The following CNTNAP5 variants were observed in gnomAD, a reference collection of about 807,000 sequenced individuals.
The protein encoded by CNTNAP5 is contactin-associated protein-like 5.
Under a neutral mutation model 150.2 loss-of-function variants are expected in CNTNAP5, and 72 were observed. The observed-to-expected ratio is 0.48, with a 90% CI of 0.40 to 0.58. The LOEUF (loss-of-function observed/expected upper bound fraction) is 0.58. CNTNAP5 is among the 20% of genes least tolerant of loss of function. CNTNAP5 has a pLI of 0.00. For synonymous variants in CNTNAP5, 672 were observed against 619.8 expected (o/e 1.08, Z -1.25); for missense variants, 1,636 against 1,626.2 (o/e 1.01, Z -0.10).
chr2:124,773,083 GAA>G (rs1409792103), intron 17 of CNTNAP5, 66 bp downstream of exon 17: 1 of 1,264,368 alleles, frequency 7.9e-7, no homozygotes, highest in African/African-American at 1.5e-5. Flanking sequence ...CCATGCCCAA[GAA>G]AAAATTCTCT....
intron 3 of CNTNAP5, among the ~76,000 whole-genome samples, chr2:124,370,840 C>T (rs1242695511): frequency 6.6e-6 from 1 of 152,074 alleles, no homozygotes; most frequent in Admixed American, 6.6e-5. Flanking sequence ...GAAAAACATG[C>T]ACATTTATTT....
At chr2:124,110,274 A>G (rs1160290868) in intron 1 of CNTNAP5, among the ~76,000 whole-genome samples, 1 of 152,154 alleles carries the variant, frequency 6.6e-6, no homozygotes, top group Admixed American at 6.5e-5. Flanking sequence ...AGATTTGTGA[A>G]TGGGGAAGTA....
intron 21 of CNTNAP5, among the ~76,000 whole-genome samples, chr2:124,884,688 C>T (rs939126958): frequency 6.6e-6 from 1 of 151,936 alleles, no homozygotes; most frequent in Non-Finnish European, 1.5e-5. Context: ...TTCTGAAAGT[C>T]GTAGTGCAGA....
intron 1 of CNTNAP5, among the ~76,000 whole-genome samples, chr2:124,099,816 C>G (rs923490260): frequency 1.3e-5 from 2 of 152,136 alleles, no homozygotes; most frequent in South Asian, 4.2e-4. Flanking sequence ...GTGCCACACA[C>G]TTTTCAAAAA....
chr2:124,322,016 G>T (rs1172578544), intron 3 of CNTNAP5, among the ~76,000 whole-genome samples: 1 of 151,870 alleles, frequency 6.6e-6, no homozygotes, highest in Non-Finnish European at 1.5e-5. Context: ...AGAGCATATT[G>T]GCACCCGCCT....
intron 19 of CNTNAP5, among the ~76,000 whole-genome samples, chr2:124,843,549 C>T (rs543419876): frequency 2.6e-5 from 4 of 151,102 alleles, no homozygotes; most frequent in African/African-American, 2.4e-5. Flanking sequence ...TGAATCTAAC[C>T]GTAGATCTAC....
intron 1 of CNTNAP5, among the ~76,000 whole-genome samples, chr2:124,118,999 G>T (rs950532058): frequency 6.6e-6 from 1 of 152,134 alleles, no homozygotes; most frequent in Non-Finnish European, 1.5e-5. Flanking sequence ...TGGATATGGT[G>T]AATTCACACT....
chr2:124,419,613 T>C (rs11123043), intron 4 of CNTNAP5, among the ~76,000 whole-genome samples: 21,834 of 152,192 alleles, frequency 0.14, 1,786 homozygotes, highest in Non-Finnish European at 0.19. Flanking sequence ...CTAGTGCATC[T>C]TCCAATGGGA....
chr2:124,027,718 T>G (rs1680935600), intron 1 of CNTNAP5, among the ~76,000 whole-genome samples: 2 of 152,240 alleles, frequency 1.3e-5, no homozygotes, highest in South Asian at 4.1e-4. Context: ...CAGTGACAGT[T>G]TAATTTCCCT....
intron 3 of CNTNAP5, among the ~76,000 whole-genome samples, chr2:124,349,900 T>TTTTTTTTTTTTTTTC (rs1689834899): frequency 8.6e-6 from 1 of 116,800 alleles, no homozygotes. Context: ...TTTTTTTTTT[T>TTTTTTTTTTTTTTTC]TTGAGACAGA....
chr2:124,145,838 A>AAAG (rs1201874411), intron 1 of CNTNAP5, among the ~76,000 whole-genome samples: 46 of 94,212 alleles, frequency 4.9e-4, no homozygotes, highest in South Asian at 4.5e-3. Context: ...AGAAGAAAAA[A>AAAG]AAAAAAAATA....
rs1012036815 is a variant in CNTNAP5, at chr2:124,900,113, C to A, written c.3437-2769C>A. On this transcript the variant is annotated intron_variant, in intron 21 of 23. Transcript: ENST00000682447. ...TTTGAACTTCTTCGAGTCCTAGTTA[C>A]TTCATTTGTAAATTTTGAAGGTTGA... 6.0e-5 allele frequency among the ~76,000 whole-genome samples: 9 copies of A among 151,208 alleles called. 1 individual carries two copies. Among genetic ancestry groups the A allele is most frequent in the African/African-American group, 2.0e-4 (8 of 40,748 alleles).
intron 12 of CNTNAP5, among the ~76,000 whole-genome samples, chr2:124,646,306 G>A (rs569855150): frequency 6.6e-6 from 1 of 152,178 alleles, no homozygotes; most frequent in Non-Finnish European, 1.5e-5. Context: ...GCTCAGTCAT[G>A]CCAACTGCTG....
At chr2:124,657,610 A>G (rs13033906) in intron 13 of CNTNAP5, among the ~76,000 whole-genome samples, 18,740 of 152,248 alleles carry the variant, frequency 0.12, 1,473 homozygotes, top group Non-Finnish European at 0.17. Flanking sequence ...ATTAGATTAT[A>G]TAACCATGGC....
chr2:124,411,003 A>C (rs1273328711), intron 3 of CNTNAP5, among the ~76,000 whole-genome samples: 1 of 152,200 alleles, frequency 6.6e-6, no homozygotes, highest in Non-Finnish European at 1.5e-5. Context: ...AAAGAAAAAA[A>C]GAGAGAAGAA....
chr2:124,113,502 A>ATGTG (rs1368941676), intron 1 of CNTNAP5, among the ~76,000 whole-genome samples: 1 of 108,942 alleles, frequency 9.2e-6, no homozygotes, highest in Non-Finnish European at 1.9e-5. Context: ...ACTGATACAT[A>ATGTG]TATATGTGTG....
At chr2:124,610,490 AG>A (rs1677355929) in intron 12 of CNTNAP5, among the ~76,000 whole-genome samples, 1 of 152,214 alleles carries the variant, frequency 6.6e-6, no homozygotes, top group African/African-American at 2.4e-5. Context: ...CAAAATGAAA[AG>A]GTGAGTTTTT....
At chr2:124,510,710 T>A (rs1694567645) in intron 8 of CNTNAP5, among the ~76,000 whole-genome samples, 2 of 151,940 alleles carry the variant, frequency 1.3e-5, no homozygotes, top group African/African-American at 2.4e-5. Context: ...ATTGCCCTGC[T>A]TTCTGCAGGC....
rs568197373 is a variant in CNTNAP5, at chr2:124,052,246, C to A, written c.82+26514C>A. 2.0e-5 allele frequency among the ~76,000 whole-genome samples: 3 copies of A among 152,262 alleles called. No homozygotes were observed. The South Asian group carries it at 6.2e-4, about 32-fold the overall frequency. On this transcript the variant is annotated intron_variant, in intron 1 of 23. Transcript: ENST00000682447. ...ATTTCATCAGATTAAGATTAGAAATCACCTAGTTACTTTATTGAAAGTCTT... is the reference window on the plus strand; with the variant it reads ...ATTTCATCAGATTAAGATTAGAAATAACCTAGTTACTTTATTGAAAGTCTT...
Sources: allele counts gnomAD v4.1 joint callset (sites outside exome capture counted in the v4.1 genomes callset), GRCh38; gene constraint gnomAD v4.1.1; transcripts MANE v1.5; gene names NCBI Gene and HGNC (gene_info 2026-07-23, HGNC 2026-07-21).